NPIPB11: variants seen among roughly 807,000 people sequenced by gnomAD.
NPIPB11 encodes nuclear pore complex-interacting protein family member B11.
A neutral mutation model predicts 32.8 loss-of-function variants in NPIPB11; 17 were observed. The ratio of observed to expected loss-of-function variants is 0.52; its 90% CI spans 0.35 to 0.78. NPIPB11 has a LOEUF of 0.78. Ranked by LOEUF, NPIPB11 falls within the 30% of genes least tolerant of loss-of-function variation. NPIPB11 has a pLI of 0.01. For missense variants in NPIPB11, 537 were observed against 1,000.4 expected, an observed-to-expected ratio of 0.54 and a Z score of 6.25; for synonymous variants, 209 against 398.4, an observed-to-expected ratio of 0.52 and a Z score of 5.66.
intron 2 of NPIPB11, among the ~76,000 whole-genome samples, chr16:29,394,621 G>A (rs1340237199): frequency 1.3e-5 from 2 of 151,828 alleles, no homozygotes; most frequent in East Asian, 3.9e-4. Context: ...TTTTAGTAGA[G>A]ATGAGGTTTC....
intron 2 of NPIPB11, among the ~76,000 whole-genome samples, chr16:29,403,025 A>T (rs892692210): frequency 3.3e-5 from 5 of 151,284 alleles, no homozygotes; most frequent in Non-Finnish European, 4.4e-5. Flanking sequence ...AGTCATGTTA[A>T]AAAGTAGTTT....
chr16:29,405,530 A>G (rs1964095456), upstream of NPIPB11, among the ~76,000 whole-genome samples: 1 of 152,114 alleles, frequency 6.6e-6, no homozygotes, highest in Admixed American at 6.5e-5. Flanking sequence ...TAAACCTGCT[A>G]GCAAGCTTGC....
At chr16:29,402,681 C>T (rs556453508) in intron 2 of NPIPB11, among the ~76,000 whole-genome samples, 38 of 136,498 alleles carry the variant, frequency 2.8e-4, no homozygotes, top group Admixed American at 8.2e-4. Flanking sequence ...CCAGCCTGGG[C>T]GACAGAGTGA....
At chr16:29,393,180 C>G (rs185409) in intron 3 of NPIPB11, among the ~76,000 whole-genome samples, 7,204 of 151,178 alleles carry the variant, frequency 0.048, 418 homozygotes, top group East Asian at 0.28. Context: ...TGATGTCATT[C>G]AAAATTACCC....
intron 3 of NPIPB11, among the ~76,000 whole-genome samples, chr16:29,391,944 C>T (rs1358273920): frequency 6.6e-6 from 1 of 152,008 alleles, no homozygotes; most frequent in African/African-American, 2.4e-5. Context: ...TGGTCTTGAA[C>T]TCCTGACCTC....
chr16:29,402,746 G>GTGTGTGTGTA (rs1964026661), intron 2 of NPIPB11, among the ~76,000 whole-genome samples: 2 of 150,530 alleles, frequency 1.3e-5, no homozygotes, highest in Non-Finnish European at 2.9e-5. Flanking sequence ...GTGTGTGTGT[G>GTGTGTGTGTA]TGTGTGTGTG....
At chr16:29,402,369 T>G (rs1186374041) in intron 2 of NPIPB11, among the ~76,000 whole-genome samples, 1 of 113,224 alleles carries the variant, frequency 8.8e-6, no homozygotes, top group Non-Finnish European at 1.7e-5. Context: ...TGCATATTCT[T>G]TCATAGCCAG....
At chr16:29,392,170 G>A (rs988320490) in intron 3 of NPIPB11, among the ~76,000 whole-genome samples, 9 of 152,060 alleles carry the variant, frequency 5.9e-5, no homozygotes, top group Admixed American at 1.3e-4. Flanking sequence ...CACAGCTACT[G>A]CTAGATTTCA....
intron 2 of NPIPB11, among the ~76,000 whole-genome samples, chr16:29,399,555 C>T (rs1028608860): frequency 1.3e-5 from 2 of 149,370 alleles, no homozygotes; most frequent in African/African-American, 2.5e-5. Flanking sequence ...AAAAATTAGC[C>T]GGGTGTGGTG....
rs1291962393 is a variant in NPIPB11 at position 29,401,472 on chromosome 16, G to C, written c.120+2211C>G. Among the ~76,000 whole-genome samples the C allele has an allele frequency of 2.0e-5, 3 of 152,038 alleles. No homozygotes were observed. In the South Asian group the frequency reaches 6.2e-4, roughly 32 times the overall value. ...CTGGTGATGATTTTGTGCAGCTCTG[G>C]GACAAACTCCACCTGGCTGAGGATA... On this transcript the variant is annotated intron_variant, in intron 2 of 7. Transcript: ENST00000524087.
At chr16:29,406,588 C>T (rs1964118404), upstream of NPIPB11, among the ~76,000 whole-genome samples, 1 of 152,160 alleles carries the variant, frequency 6.6e-6, no homozygotes, top group Admixed American at 6.5e-5. Context: ...GTGGCACATG[C>T]CTGTAGTCTC....
rs1963947756 is a variant in NPIPB11, at chr16:29,399,876, A to C, written c.120+3807T>G. Among the ~76,000 whole-genome samples the C allele has an allele frequency of 7.9e-5, 12 of 152,150 alleles. No homozygotes were observed. In the South Asian group the frequency reaches 2.5e-3, roughly 32 times the overall value. ...GGCGCATCACGAGGTTAGGAGTTCG[A>C]GACCAGCCTGACCAACATGGTGAAA... On this transcript the variant is annotated intron_variant, in intron 2 of 7. Coordinates refer to ENST00000524087, the Ensembl canonical transcript of NPIPB11.
At chr16:29,406,341 A>G (rs868547402), upstream of NPIPB11, among the ~76,000 whole-genome samples, 1 of 152,304 alleles carries the variant, frequency 6.6e-6, no homozygotes, top group South Asian at 2.1e-4. Context: ...TGTTCCAAAA[A>G]TTGCATACAT....
chr16:29,392,351 A>T (rs1963743590), intron 3 of NPIPB11, among the ~76,000 whole-genome samples: 1 of 151,700 alleles, frequency 6.6e-6, no homozygotes, highest in South Asian at 2.1e-4. Flanking sequence ...GAGAGGTGCG[A>T]AGTTGTCCAA....
At chr16:29,403,094 T>A (rs1964036302) in intron 2 of NPIPB11, among the ~76,000 whole-genome samples, 1 of 147,762 alleles carries the variant, frequency 6.8e-6, no homozygotes. Flanking sequence ...TTTTTTTTTT[T>A]TTTGACAGAG....
At chr16:29,390,586 AG>A (rs1261055468) in intron 3 of NPIPB11, among the ~76,000 whole-genome samples, 2 of 150,794 alleles carry the variant, frequency 1.3e-5, no homozygotes, top group African/African-American at 4.9e-5. Context: ...TGGGAGGCGG[AG>A]GTTGCAGTGA....
chr16:29,390,387 T>C lies in NPIPB11; in HGVS notation c.250-39A>G, dbSNP rs559704441. 3.2e-6 allele frequency: 5 copies of C among 1,584,808 alleles called. No homozygotes were observed. The African/African-American group carries it at 6.7e-5, about 21-fold the overall frequency. On this transcript the variant is annotated intron_variant, in intron 3 of 7. Transcript: ENST00000524087. ...ATATAAGAATGACGGCTGGGCACGG[T>C]GGCTCATGCGTATAATCCCAGTACT...
chr16:29,406,578 G>GT (rs1424607445), upstream of NPIPB11, among the ~76,000 whole-genome samples: 189 of 152,294 alleles, frequency 1.2e-3, no homozygotes, highest in African/African-American at 4.2e-3. Context: ...GCCATGCCTG[G>GT]TGGCACATGC....
chr16:29,397,119 C>T (rs934177569), intron 2 of NPIPB11, among the ~76,000 whole-genome samples: 47 of 148,760 alleles, frequency 3.2e-4, no homozygotes, highest in African/African-American at 8.4e-4. Flanking sequence ...TGCAGTGAGC[C>T]GAGATCTTGC....
Sources: allele counts gnomAD v4.1 joint callset (sites outside exome capture counted in the v4.1 genomes callset), GRCh38; gene constraint gnomAD v4.1.1; transcripts MANE v1.5; gene names NCBI Gene and HGNC (gene_info 2026-07-23, HGNC 2026-07-21).